ITGA4: variants seen among roughly 807,000 people sequenced by gnomAD.
ITGA4 encodes the protein integrin alpha-4.
Under a neutral mutation model 133.6 loss-of-function variants are expected in ITGA4, and 63 were observed. The observed-to-expected ratio is 0.47, with a 90% CI of 0.38 to 0.58. ITGA4 has a LOEUF of 0.58. ITGA4 is among the 20% of genes least tolerant of loss of function. The pLI is 0.00. For synonymous variants in ITGA4, 483 were observed against 438.0 expected (o/e 1.10, Z -1.28); for missense variants, 1,076 against 1,252.7 (o/e 0.86, Z 2.13).
Position 181,538,047 on chromosome 2 carries a change from CCATTCCCCCATCCACGGAAAAA to C in ITGA4, c.*2521_*2542del, listed in dbSNP as rs1265207703. On this transcript the variant is annotated 3_prime_UTR_variant, in exon 28 of 28. Transcript: ENST00000397033. Reference sequence around the variant, plus strand: ...TGAGGTGGAACAGTTCATCCTGAAACCATTCCCCCATCCACGGAAAAATTGTCTTCCATGAAACTGGTCCCAA... The same window carrying C: ...TGAGGTGGAACAGTTCATCCTGAAACTTGTCTTCCATGAAACTGGTCCCAA... 11 of 702,988 alleles carry C rather than the reference CCATTCCCCCATCCACGGAAAAA, an allele frequency of 1.6e-5. No homozygotes were observed. Among genetic ancestry groups the C allele is most frequent in the Admixed American group, 4.0e-5 (2 of 49,548 alleles). 43.5% of individuals were successfully genotyped at this position (702,988 alleles called of 1,614,324 possible). A position where few individuals can be genotyped will look rare whatever the true frequency, so the allele number is the denominator to read the frequency against.
chr2:181,513,456 A>G (rs901378259), intron 17 of ITGA4, among the ~76,000 whole-genome samples: 2 of 152,084 alleles, frequency 1.3e-5, no homozygotes, highest in Non-Finnish European at 2.9e-5. Flanking sequence ...ATTATTAAGT[A>G]CTACAATACT....
intron 18 of ITGA4, 50 bp downstream of exon 18, chr2:181,522,391 AT>A: frequency 1.5e-6 from 2 of 1,324,696 alleles, no homozygotes; most frequent in Non-Finnish European, 1.0e-6. Context: ...ATTTTACTTA[AT>A]TTTTTAAAAG....
At chr2:181,488,238 TGTTC>T (rs1308762994) in intron 10 of ITGA4, among the ~76,000 whole-genome samples, 1 of 151,916 alleles carries the variant, frequency 6.6e-6, no homozygotes, top group Non-Finnish European at 1.5e-5. Flanking sequence ...GGACAGAGAG[TGTTC>T]GGTCGATGAG....
In ITGA4 at chr2:181,457,606, A is replaced by G. The variant is rs1469932342; in HGVS notation, c.-49A>G. 3 of 1,553,590 alleles carry G rather than the reference A, an allele frequency of 1.9e-6. No individual in the cohort carries two copies. In the African/African-American group the frequency reaches 4.1e-5, roughly 21 times the overall value. On this transcript the variant is annotated 5_prime_UTR_variant, in exon 1 of 28. Coordinates refer to ENST00000397033, the MANE Select transcript of ITGA4 (RefSeq NM_000885.6). ...TTGGCCAACCGTCGCATCCCGTGCA[A>G]CTTTGGGGTAGTGGCCGTTTAGTGT... is the stretch of plus-strand genomic sequence containing the variant.
At chr2:181,494,517 AT>A (rs1244138066) in intron 11 of ITGA4, among the ~76,000 whole-genome samples, 1 of 152,172 alleles carries the variant, frequency 6.6e-6, no homozygotes, top group African/African-American at 2.4e-5. Context: ...CGCAAAGTAA[AT>A]TTTTTTAGTC....
chr2:181,531,829 A>G lies in ITGA4; in HGVS notation c.2784+53A>G, dbSNP rs545801016. 5.8e-6 allele frequency: 8 copies of G among 1,386,014 alleles called. No homozygotes were observed. The East Asian group carries it at 1.7e-4, about 30-fold the overall frequency. 85.9% of individuals were successfully genotyped at this position (1,386,014 alleles called of 1,614,324 possible). A position where few individuals can be genotyped will look rare whatever the true frequency, so the allele number is the denominator to read the frequency against. On this transcript the variant is annotated intron_variant, in intron 25 of 27. Coordinates refer to ENST00000397033, the MANE Select transcript of ITGA4 (RefSeq NM_000885.6). ...TGGTGGCTAAGTTTACATAAAATCT[A>G]TAAATTCAGTCATATAGGCAGGATA...
chr2:181,522,387 C>G (rs1686739412), intron 18 of ITGA4, 46 bp downstream of exon 18: 1 of 1,372,650 alleles, frequency 7.3e-7, no homozygotes, highest in Non-Finnish European at 9.9e-7. Context: ...TGGTATTTTA[C>G]TTAATTTTTT....
chr2:181,538,437 T>TTAAC lies in ITGA4; in HGVS notation c.*2912_*2915dup, dbSNP rs1218078333. On this transcript the variant is annotated 3_prime_UTR_variant, in exon 28 of 28. Coordinates refer to ENST00000397033, the MANE Select transcript of ITGA4 (RefSeq NM_000885.6). ...CAACAATAATTGCTCTAAAACCTCC[T>TTAAC]TAACTGACTTCCTTGATTGTCCAAT... 6.6e-6 allele frequency among the ~76,000 whole-genome samples: 1 copy of TTAAC among 152,116 alleles called. No individual in the cohort carries two copies. The highest frequency in any genetic ancestry group is 2.4e-5 in the African/African-American group (1 of 41,432).
rs1258745823 is a variant in ITGA4, at chr2:181,503,603, T to A, written c.1695+4826T>A. 2.0e-5 allele frequency among the ~76,000 whole-genome samples: 3 copies of A among 148,134 alleles called. No individual in the cohort carries two copies. The East Asian group carries it at 5.9e-4, about 29-fold the overall frequency. On this transcript the variant is annotated intron_variant, in intron 15 of 27. Transcript: ENST00000397033. Reference sequence around the variant, plus strand: ...TTTTTTTTTTTGCTTTAAAAAATCCTTTGTATTTTAGTTGATTATAATTAT... The same window carrying A: ...TTTTTTTTTTTGCTTTAAAAAATCCATTGTATTTTAGTTGATTATAATTAT...
In ITGA4 at chr2:181,535,487, A is replaced by G. The variant is rs1280476935; in HGVS notation, c.3059A>G (p.Asp1020Gly). The G allele has an allele frequency of 1.2e-6, 2 of 1,609,938 alleles. No homozygotes were observed. The stretch of plus-strand genomic sequence containing the variant: ...ATCCTACAAGAAGAAAACAGAAGAG[A>G]CAGTTGGAGTTATATCAACAGTAAA... Reference protein sequence around the residue: ...KSILQEENRRDSWSYINSKSN... With the variant: ...KSILQEENRRGSWSYINSKSN... The change falls in exon 28 of 28, where the codon GAC (aspartate) becomes GGC (glycine). Residue 1020 changes from aspartate to glycine, a missense_variant. Asp to Gly is a moderately conservative substitution (Grantham distance 94). Coordinates refer to ENST00000397033, the MANE Select transcript of ITGA4 (RefSeq NM_000885.6).
intron 16 of ITGA4, among the ~76,000 whole-genome samples, chr2:181,510,185 G>A (rs1317509879): frequency 9.2e-5 from 14 of 151,976 alleles, no homozygotes; most frequent in Admixed American, 9.2e-4. Context: ...TTTCTCCCTT[G>A]CTTTCATCCT....
chr2:181,524,005 C>A (rs1686781598), intron 19 of ITGA4, among the ~76,000 whole-genome samples, 166 bp from the exon 20 acceptor site: 2 of 152,106 alleles, frequency 1.3e-5, no homozygotes, highest in African/African-American at 4.8e-5. Flanking sequence ...TAGCCACAAA[C>A]CCAACAACTT....
rs201505931 is a variant in ITGA4, at chr2:181,498,139, TA to T, written c.1541-476del. On this transcript the variant is annotated intron_variant, in intron 14 of 27. Transcript: ENST00000397033. ...CTTAATCATGTGTTCACTTCATGTA[TA>T]AAAAAAAGCCTTCAAATCAGAAACA... 7.9e-3 allele frequency: 1,206 copies of T among 151,740 alleles called. 10 individuals carry two copies. Among genetic ancestry groups the T allele is most frequent in the South Asian group, 0.025 (119 of 4,812 alleles). The allele number at this position is 151,740 out of a possible 1,614,324, so 9.4% of individuals were successfully genotyped here.
At position 181,523,095 on chromosome 2, in the gene ITGA4, T is replaced by C. The variant is rs767285930; in HGVS notation, c.2074-342T>C. On this transcript the variant is annotated intron_variant, in intron 18 of 27. Transcript: ENST00000397033. This position sits in a 1 kb window ranked among gnomAD's most constrained non-coding sequence, Gnocchi z 4.2. ...TAAATAGGGAATATATCAAGATAAA[T>C]GAAAGCTACAAGTCCAGAATTTTTT... Among the ~76,000 whole-genome samples, 81 of 151,962 alleles carry C rather than the reference T, an allele frequency of 5.3e-4. 3 individuals carry two copies. The highest frequency in any genetic ancestry group is 1.3e-4 in the Non-Finnish European group (9 of 68,004).
intron 2 of ITGA4, among the ~76,000 whole-genome samples, chr2:181,461,420 G>A (rs1408850037): frequency 6.6e-6 from 1 of 151,562 alleles, no homozygotes; most frequent in Non-Finnish European, 1.5e-5. Flanking sequence ...TCTCTGCCAG[G>A]AGGGTCTGGG....
rs1419383729 is a variant in ITGA4, at chr2:181,538,334, C to G, written c.*2807C>G. 2 of 736,368 alleles carry G rather than the reference C, an allele frequency of 2.7e-6. No individual in the cohort carries two copies. Among genetic ancestry groups the G allele is most frequent in the Non-Finnish European group, 4.8e-6 (2 of 413,934 alleles). 45.6% of individuals were successfully genotyped at this position (736,368 alleles called of 1,614,324 possible). On this transcript the variant is annotated 3_prime_UTR_variant, in exon 28 of 28. Coordinates refer to ENST00000397033, the MANE Select transcript of ITGA4 (RefSeq NM_000885.6). ...TGGTACACAATGCCAATGCCAAATA[C>G]AAATTGATAACAAACACAGCATTCC... is the stretch of plus-strand genomic sequence containing the variant.
chr2:181,522,508 T>C (rs1416204780), intron 18 of ITGA4, among the ~76,000 whole-genome samples, 167 bp downstream of exon 18: 1 of 152,156 alleles, frequency 6.6e-6, no homozygotes, highest in Non-Finnish European at 1.5e-5. Flanking sequence ...GGCAAGTTCT[T>C]GGGTCTTAAG....
Position 181,535,683 on chromosome 2 carries a change from C to A in ITGA4, c.*156C>A. On this transcript the variant is annotated 3_prime_UTR_variant, in exon 28 of 28. Transcript: ENST00000397033. ...TCTTCATGCAAGGGGAAAATCTCAG[C>A]AATGATTACTCTTTGAGATAGAAGA... 3.4e-6 allele frequency: 3 copies of A among 873,874 alleles called. No homozygotes were observed. The highest frequency in any genetic ancestry group is 2.5e-5 in the South Asian group (1 of 40,792). The allele number at this position is 873,874 out of a possible 1,614,324, so 54.1% of individuals were successfully genotyped here.
intron 17 of ITGA4, among the ~76,000 whole-genome samples, 198 bp downstream of exon 17, chr2:181,511,973 T>C (rs1047095589): frequency 6.6e-6 from 1 of 152,042 alleles, no homozygotes; most frequent in Non-Finnish European, 1.5e-5. Flanking sequence ...AATCCAAGTA[T>C]GACAAATTTA....
Sources: allele counts gnomAD v4.1 joint callset (sites outside exome capture counted in the v4.1 genomes callset), GRCh38; gene constraint gnomAD v4.1.1; non-coding constraint Gnocchi (gnomAD v3.1); transcripts MANE v1.5; gene names NCBI Gene and HGNC (gene_info 2026-07-23, HGNC 2026-07-21).